The following WDR70 variants were observed in gnomAD, a reference collection of about 807,000 sequenced individuals.
The protein encoded by WDR70 is WD repeat domain 70.
A neutral mutation model predicts 88.6 loss-of-function variants in WDR70; 53 were observed. That is an observed-to-expected ratio of 0.60 (90% CI 0.48 to 0.75). The LOEUF is 0.75. WDR70 is among the 30% of genes least tolerant of loss of function. The pLI, the probability that WDR70 is intolerant of heterozygous loss-of-function variation, is 0.00. For synonymous variants in WDR70, 280 were observed against 270.0 expected (o/e 1.04, Z -0.36); for missense variants, 610 against 823.2 (o/e 0.74, Z 3.17).
chr5:37,563,443 T>TC (rs1427640776), intron 9 of WDR70, among the ~76,000 whole-genome samples: 2 of 39,442 alleles, frequency 5.1e-5, no homozygotes, highest in Non-Finnish European at 1.2e-4. Flanking sequence ...CCCCCCCACA[T>TC]CCTTCCCGGA....
At chr5:37,690,673 A>T (rs1746764906) in intron 10 of WDR70, among the ~76,000 whole-genome samples, 1 of 152,240 alleles carries the variant, frequency 6.6e-6, no homozygotes, top group South Asian at 2.1e-4. Flanking sequence ...AGGTTTTGTC[A>T]GCACCAGGCC....
chr5:37,390,741 T>G (rs369705494), intron 3 of WDR70, among the ~76,000 whole-genome samples: 3 of 146,236 alleles, frequency 2.1e-5, no homozygotes, highest in African/African-American at 5.2e-5. Context: ...TTTGAGATGA[T>G]GTTTTGCTTT....
intron 17 of WDR70, among the ~76,000 whole-genome samples, chr5:37,737,848 A>G (rs544339894): frequency 6.6e-6 from 1 of 152,026 alleles, no homozygotes; most frequent in Non-Finnish European, 1.5e-5. Flanking sequence ...CGTAGGTCTC[A>G]TGTATGTTCT....
chr5:37,589,249 T>TAC (rs57446016), intron 9 of WDR70, among the ~76,000 whole-genome samples: 7,304 of 140,106 alleles, frequency 0.052, 206 homozygotes, highest in Middle Eastern at 0.099. Flanking sequence ...CCTACACACA[T>TAC]ACACACACAC....
chr5:37,476,080 A>G (rs1739472151), intron 7 of WDR70, among the ~76,000 whole-genome samples: 1 of 151,608 alleles, frequency 6.6e-6, no homozygotes. Context: ...CAAATTCCCA[A>G]TCTCAGGTGA....
At chr5:37,425,963 A>G (rs777100820) in intron 5 of WDR70, among the ~76,000 whole-genome samples, 2 of 152,234 alleles carry the variant, frequency 1.3e-5, no homozygotes, top group Admixed American at 1.3e-4. Context: ...ACATCCAGGC[A>G]AAGCATCCTG....
chr5:37,669,383 C>A (rs533287180), intron 10 of WDR70, among the ~76,000 whole-genome samples: 2 of 134,532 alleles, frequency 1.5e-5, no homozygotes, highest in South Asian at 5.2e-4. Context: ...TGACCTGGAA[C>A]ATAATTATCT....
At chr5:37,546,916 C>CA (rs781701234) in intron 9 of WDR70, among the ~76,000 whole-genome samples, 7,542 of 134,230 alleles carry the variant, frequency 0.056, 229 homozygotes, top group African/African-American at 0.091. Flanking sequence ...GACTCTGTCT[C>CA]AAAAAAAAAA....
intron 9 of WDR70, among the ~76,000 whole-genome samples, chr5:37,563,064 G>T: frequency 1.3e-5 from 1 of 77,522 alleles, no homozygotes; most frequent in African/African-American, 5.5e-5. Context: ...GGGGCGGCTG[G>T]CCGGGCGGGG....
chr5:37,460,496 C>T (rs1738955089), intron 7 of WDR70, among the ~76,000 whole-genome samples: 1 of 63,366 alleles, frequency 1.6e-5, no homozygotes, highest in Admixed American at 2.1e-4. Flanking sequence ...ACAATGAGAT[C>T]ACATGGACAC....
chr5:37,398,238 G>A (rs1034114172), intron 5 of WDR70, among the ~76,000 whole-genome samples: 1 of 151,714 alleles, frequency 6.6e-6, no homozygotes, highest in East Asian at 2.0e-4. Flanking sequence ...ACAGGCACCC[G>A]CCACCACGCC....
chr5:37,431,495 G>A (rs772538392), intron 5 of WDR70, among the ~76,000 whole-genome samples: 1 of 151,754 alleles, frequency 6.6e-6, no homozygotes, highest in Non-Finnish European at 1.5e-5. Flanking sequence ...ACCTTATACT[G>A]GTAATTTCCT....
intron 17 of WDR70, among the ~76,000 whole-genome samples, chr5:37,748,013 T>C (rs1460297566): frequency 2.0e-5 from 3 of 152,144 alleles, no homozygotes; most frequent in Non-Finnish European, 4.4e-5. Context: ...GGAAAAACAT[T>C]CAATCCTCAT....
chr5:37,383,591 T>C (rs1748501200), intron 3 of WDR70, among the ~76,000 whole-genome samples: 1 of 149,392 alleles, frequency 6.7e-6, no homozygotes, highest in Non-Finnish European at 1.5e-5. Flanking sequence ...ATTATTGTTA[T>C]TTTTTTGAGA....
intron 5 of WDR70, among the ~76,000 whole-genome samples, chr5:37,407,050 A>G (rs1749375693): frequency 6.6e-6 from 1 of 152,210 alleles, no homozygotes; most frequent in South Asian, 2.1e-4. Context: ...CTTTTTCACA[A>G]TAGGAATAAC....
At chr5:37,668,812 C>A (rs190232407) in intron 10 of WDR70, among the ~76,000 whole-genome samples, 26 of 152,248 alleles carry the variant, frequency 1.7e-4, no homozygotes, top group Admixed American at 1.6e-3. Context: ...ACAACATAGG[C>A]CAGTTATGAA....
At chr5:37,601,387 G>A (rs1305682233) in intron 9 of WDR70, among the ~76,000 whole-genome samples, 1 of 152,178 alleles carries the variant, frequency 6.6e-6, no homozygotes, top group Non-Finnish European at 1.5e-5. Context: ...TGATCGTGGT[G>A]AATTATCTTC....
At chr5:37,439,998 A>T (rs919946900) in intron 6 of WDR70, among the ~76,000 whole-genome samples, 1 of 152,032 alleles carries the variant, frequency 6.6e-6, no homozygotes, top group East Asian at 1.9e-4. Context: ...CTATTTTTTC[A>T]ATAATTATTT....
intron 10 of WDR70, chr5:37,619,917 G>GTTTTTT (rs35802405): frequency 1.7e-5 from 2 of 120,092 alleles, no homozygotes; most frequent in Non-Finnish European, 1.7e-5. Context: ...TATTTACCAG[G>GTTTTTT]TTTTTTTTTT....
Sources: gnomAD v4.1 joint callset for allele counts (sites outside exome capture counted in the v4.1 genomes callset) on GRCh38, gnomAD v4.1.1 for gene constraint, MANE v1.5 for transcripts, NCBI Gene and HGNC (gene_info 2026-07-23, HGNC 2026-07-21) for gene names.